Variants in PDCD11 observed in about 807,000 individuals in gnomAD.
PDCD11 encodes protein RRP5 homolog.
A neutral mutation model predicts 198.9 loss-of-function variants in PDCD11; 97 were observed. The ratio of observed to expected loss-of-function variants is 0.49; its 90% CI spans 0.41 to 0.58. The LOEUF is 0.58. Ranked by LOEUF, PDCD11 falls within the 20% of genes least tolerant of loss-of-function variation. PDCD11 has a pLI of 0.00. For missense variants in PDCD11, 2,102 were observed against 2,312.7 expected, an observed-to-expected ratio of 0.91 and a Z score of 1.87; for synonymous variants, 893 against 918.0, an observed-to-expected ratio of 0.97 and a Z score of 0.49.
At chr10:103,440,638 AG>A in intron 29 of PDCD11, 57 bp downstream of exon 29, 1 of 1,610,636 alleles carries the variant, frequency 6.2e-7, no homozygotes, top group Non-Finnish European at 8.5e-7. Flanking sequence ...GACAGCCATG[AG>A]GGCGTGGGGA....
chr10:103,405,132 C>T lies in PDCD11; in HGVS notation c.513C>T (p.Asn171=). ...RGKKSVKLSL[N]PKNVNRVLSA... is the part of the protein sequence containing the mutation. ...AGAAGAGTGTCAAGCTGTCTCTGAACCCCAAAAATGTCAACAGAGTGCTGA... is the reference window on the plus strand; with the variant it reads ...AGAAGAGTGTCAAGCTGTCTCTGAATCCCAAAAATGTCAACAGAGTGCTGA... Residue 171 remains asparagine, a synonymous_variant, in exon 5 of 36, where the codon AAC becomes AAT. Transcript: ENST00000369797. 6.2e-7 allele frequency: 1 copy of T among 1,614,100 alleles called. No homozygotes were observed. Among genetic ancestry groups the T allele is most frequent in the Non-Finnish European group, 8.5e-7 (1 of 1,179,992 alleles).
At chr10:103,444,763 C>T in intron 35 of PDCD11, 81 bp downstream of exon 35, 1 of 1,334,254 alleles carries the variant, frequency 7.5e-7, no homozygotes, top group Non-Finnish European at 1.1e-6. Flanking sequence ...TCTCAGCATC[C>T]CAGTTCTCTT....
chr10:103,444,050 T>C lies in PDCD11; in HGVS notation c.5260T>C (p.Cys1754Arg). 6.2e-7 allele frequency: 1 copy of C among 1,611,966 alleles called. No homozygotes were observed. The highest frequency in any genetic ancestry group is 8.5e-7 in the Non-Finnish European group (1 of 1,179,908). The change falls in exon 34 of 36, where the codon TGC becomes CGC. Residue 1754 changes from cysteine (C) to arginine (R), a missense_variant. Coordinates refer to ENST00000369797, the MANE Select transcript of PDCD11 (RefSeq NM_014976.2). ...SHRVLQRALE[C>R]LPSKEHVDVI... ...CCGCGTGCTGCAGCGAGCCCTGGAG[T>C]GCCTGCCTAGCAAGGAGCGTGAGTG... is the stretch of plus-strand genomic sequence containing the variant.
rs757187811 is a variant in PDCD11, at chr10:103,445,491, C to T, written c.5558C>T (p.Ala1853Val). Residue 1853 changes from alanine (A) to valine (V), a missense_variant, in exon 36 of 36, where the codon GCA becomes GTA. By Grantham distance (64) the Ala-to-Val change is moderately conservative. Transcript: ENST00000369797. Reference protein sequence around the residue: ...KQHGTEKDVQAVKAKALEYVE... With the variant: ...KQHGTEKDVQVVKAKALEYVE... The stretch of plus-strand genomic sequence containing the variant: ...CATGGCACTGAGAAGGATGTGCAGG[C>T]AGTCAAGGCCAAGGCCCTGGAGTAT... 2 of 1,614,160 alleles carry T rather than the reference C, an allele frequency of 1.2e-6. No individual in the cohort carries two copies. The highest frequency in any genetic ancestry group is 2.2e-5 in the East Asian group (1 of 44,886).
Position 103,417,730 on chromosome 10 carries a change from C to T in PDCD11, c.1771-62C>T, listed in dbSNP as rs117662439. The T allele has an allele frequency of 6.2e-3, 9,726 of 1,573,796 alleles. 43 individuals are homozygous for T. Among genetic ancestry groups the T allele is most frequent in the Middle Eastern group, 8.2e-3 (38 of 4,630 alleles). On this transcript the variant is annotated intron_variant, in intron 13 of 35. Coordinates refer to ENST00000369797, the MANE Select transcript of PDCD11 (RefSeq NM_014976.2). ...TCCTCTGCAGCAGTAGTGGAGGGCA[C>T]GTTGCAGGGCCTGCAAGGCTTGCTG...
At position 103,400,496 on chromosome 10, in the gene PDCD11, G is replaced by A. The variant is rs564339479; in HGVS notation, c.202G>A (p.Ala68Thr). Residue 68 changes from alanine to threonine, a missense_variant, in exon 3 of 36, where the codon GCA becomes ACA. Ala to Thr is a moderately conservative substitution (Grantham distance 58). Transcript: ENST00000369797. ...KIEKRESSKS[A>T]REKFEILSVE... ...CGAAAAGAGAGAAAGCAGCAAGTCCGCAAGAGAGAAGTTTGAAATCCTTAG... is the reference window on the plus strand; with the variant it reads ...CGAAAAGAGAGAAAGCAGCAAGTCCACAAGAGAGAAGTTTGAAATCCTTAG... The A allele has an allele frequency of 3.3e-5, 54 of 1,613,850 alleles. No individual in the cohort carries two copies. The highest frequency in any genetic ancestry group is 1.7e-4 in the African/African-American group (13 of 75,022).
intron 21 of PDCD11, among the ~76,000 whole-genome samples, chr10:103,431,019 C>G (rs886114722): frequency 6.6e-6 from 1 of 151,976 alleles, no homozygotes; most frequent in African/African-American, 2.4e-5. Context: ...AGGCTGTTCT[C>G]AAACTCCTGA....
chr10:103,424,832 G>T (rs1381217881), intron 19 of PDCD11, 152 bp from the exon 20 acceptor site: 2 of 736,932 alleles, frequency 2.7e-6, no homozygotes, highest in Non-Finnish European at 4.4e-6. Flanking sequence ...TCCAGGGAGT[G>T]AAGGCTAGTC....
chr10:103,407,155 T>C (rs1170321511), intron 7 of PDCD11, among the ~76,000 whole-genome samples: 2 of 152,228 alleles, frequency 1.3e-5, no homozygotes, highest in African/African-American at 4.8e-5. Flanking sequence ...CTTTAACTCT[T>C]TTAGCTTATC....
In PDCD11 at chr10:103,416,486, C is replaced by G. The variant is rs2031114758; in HGVS notation, c.1519-5C>G. The G allele has an allele frequency of 6.2e-7, 1 of 1,613,878 alleles. No individual in the cohort carries two copies. Among genetic ancestry groups the G allele is most frequent in the East Asian group, 2.2e-5 (1 of 44,866 alleles). On this transcript the variant is annotated splice_region_variant and splice_polypyrimidine_tract_variant and intron_variant, in intron 12 of 35. Transcript: ENST00000369797. ...ACTTGATGACAGCCTGTGTCCCTCC[C>G]CTAGGTTTTGCTTTGTGACCCTGAA...
intron 19 of PDCD11, among the ~76,000 whole-genome samples, chr10:103,424,333 G>T (rs1399954938): frequency 6.6e-6 from 1 of 152,176 alleles, no homozygotes; most frequent in African/African-American, 2.4e-5. Flanking sequence ...ACAGAGTATG[G>T]TGCAGTGTAG....
At chr10:103,433,087 G>A (rs1160711250) in intron 22 of PDCD11, among the ~76,000 whole-genome samples, 2 of 152,150 alleles carry the variant, frequency 1.3e-5, no homozygotes, top group Admixed American at 6.5e-5. Context: ...TTGACTTACT[G>A]CTTGTAGGCT....
At chr10:103,428,887 A>G (rs1422801825) in intron 21 of PDCD11, among the ~76,000 whole-genome samples, 1 of 152,114 alleles carries the variant, frequency 6.6e-6, no homozygotes, top group Non-Finnish European at 1.5e-5. Context: ...ATGGCCAGAC[A>G]CACTCCCAGA....
Position 103,415,094 on chromosome 10 carries a change from C to T in PDCD11, c.1461C>T (p.Asp487=). The T allele has an allele frequency of 1.2e-6, 2 of 1,614,152 alleles. No homozygotes were observed. The highest frequency in any genetic ancestry group is 1.1e-5 in the South Asian group (1 of 91,086). The change falls in exon 12 of 36, where the codon GAC becomes GAT. Residue 487 remains aspartate, a synonymous_variant. Coordinates refer to ENST00000369797, the MANE Select transcript of PDCD11 (RefSeq NM_014976.2). ...TGGTACCTCCCATGCACCTGGCTGA[C>T]ATCCTGATGAAGAATCCGGAGAAGA... is the stretch of plus-strand genomic sequence containing the variant. The part of the protein sequence containing the change: ...RGLVPPMHLA[D]ILMKNPEKKY...
intron 27 of PDCD11, 116 bp from the exon 28 acceptor site, chr10:103,439,630 T>A: frequency 8.6e-7 from 1 of 1,167,982 alleles, no homozygotes. Context: ...CAGGAACTTA[T>A]GTCTGTCACA....
chr10:103,425,678 CT>C (rs897806121), intron 20 of PDCD11, among the ~76,000 whole-genome samples, 153 bp downstream of exon 20: 5 of 149,804 alleles, frequency 3.3e-5, no homozygotes, highest in African/African-American at 4.9e-5. Context: ...TTGCAAGATT[CT>C]TTTTTTTTTC....
rs1410420963 is a variant in PDCD11 at position 103,398,454 on chromosome 10, C to T, written c.28C>T (p.Arg10Ter). Residue 10 changes from arginine (R) to a stop codon, truncating the protein, a stop_gained, in exon 2 of 36, where the codon CGA becomes TGA. Transcript: ENST00000369797. LOFTEE classifies it high-confidence loss of function. ...GGCAAACCTGGAAGAAAGCTTCCCC[C>T]GAGGAGGTACAAGAAAGATCCACAA... MANLEESFP[R>*]GGTRKIHKPE... 8.1e-6 allele frequency: 13 copies of T among 1,613,914 alleles called. No homozygotes were observed. The highest frequency in any genetic ancestry group is 7.6e-6 in the Non-Finnish European group (9 of 1,179,826).
Position 103,434,320 on chromosome 10 carries a change from T to C in PDCD11, c.3637T>C (p.Ser1213Pro), listed in dbSNP as rs1478842025. 1.9e-6 allele frequency: 3 copies of C among 1,612,460 alleles called. No homozygotes were observed. Among genetic ancestry groups the C allele is most frequent in the African/African-American group, 2.7e-5 (2 of 74,866 alleles). The change falls in exon 24 of 36, where the codon TCC (serine) becomes CCC (proline). Residue 1213 changes from serine (S) to proline (P), a missense_variant. By Grantham distance (74) the Ser-to-Pro change is moderately conservative. Coordinates refer to ENST00000369797, the MANE Select transcript of PDCD11 (RefSeq NM_014976.2). ...LRATVVGPDSSKTLLCLSLTG... is the reference protein window; with the variant it reads ...LRATVVGPDSPKTLLCLSLTG... ...GGCCACCGTTGTTGGCCCAGATTCC[T>C]CCAAGACCCTCTTATGTCTGTCCCT... is the stretch of plus-strand genomic sequence containing the variant.
At chr10:103,444,770 TCTTA>T in intron 35 of PDCD11, 88 bp downstream of exon 35, 1 of 1,254,102 alleles carries the variant, frequency 8.0e-7, no homozygotes, top group African/African-American at 1.5e-5. Flanking sequence ...ATCCCAGTTC[TCTTA>T]CTTGATCTAG....
Sources: gnomAD v4.1 joint callset for allele counts (sites outside exome capture counted in the v4.1 genomes callset) on GRCh38, gnomAD v4.1.1 for gene constraint, MANE v1.5 for transcripts, NCBI Gene and HGNC (gene_info 2026-07-23, HGNC 2026-07-21) for gene names.